The following SH3GL3 variants were observed in gnomAD, a reference collection of about 807,000 sequenced individuals.
SH3GL3 encodes SH3 domain containing GRB2 like 3, endophilin A3.
SH3GL3 carries 33 observed loss-of-function variants against 47.7 expected under a neutral mutation model. The observed-to-expected ratio is 0.69, with a 90% CI of 0.52 to 0.92. The LOEUF (loss-of-function observed/expected upper bound fraction) is 0.92. Ranked by LOEUF, SH3GL3 falls within the 40% of genes least tolerant of loss-of-function variation. The pLI, the probability that SH3GL3 is intolerant of heterozygous loss-of-function variation, is 0.00. For synonymous variants in SH3GL3, 155 were observed against 148.8 expected (o/e 1.04, Z -0.30); for missense variants, 363 against 417.8 (o/e 0.87, Z 1.14).
intron 8 of SH3GL3, among the ~76,000 whole-genome samples, chr15:83,610,136 C>G (rs1180827887): frequency 6.6e-6 from 1 of 152,190 alleles, no homozygotes; most frequent in African/African-American, 2.4e-5. Context: ...TCTTAGAGAG[C>G]CTTCAAAGGC....
chr15:83,611,021 A>AT (rs2060648298), intron 8 of SH3GL3, among the ~76,000 whole-genome samples: 2 of 150,590 alleles, frequency 1.3e-5, no homozygotes, highest in South Asian at 2.1e-4. Context: ...TGTGTGTATA[A>AT]ATGTATGTGT....
At chr15:83,597,407 C>T (rs1428285413) in intron 8 of SH3GL3, among the ~76,000 whole-genome samples, 2 of 152,106 alleles carry the variant, frequency 1.3e-5, no homozygotes, top group African/African-American at 2.4e-5. Flanking sequence ...CATTCCCTTT[C>T]GCTGTGTAAG....
the SH3GL3 span, among the ~76,000 whole-genome samples, chr15:83,629,761 A>G: frequency 6.6e-6 from 1 of 152,210 alleles, no homozygotes; most frequent in Non-Finnish European, 1.5e-5. Flanking sequence ...TTGAGGCTAC[A>G]GTGAGCTATA....
chr15:83,527,057 AT>A (rs1163774928), intron 1 of SH3GL3, among the ~76,000 whole-genome samples: 3 of 152,050 alleles, frequency 2.0e-5, no homozygotes, highest in Non-Finnish European at 4.4e-5. Flanking sequence ...TTGCAGGTTG[AT>A]TTTGTAGCCT....
At chr15:83,576,982 CT>C (rs915821540) in intron 6 of SH3GL3, among the ~76,000 whole-genome samples, 17 of 125,818 alleles carry the variant, frequency 1.4e-4, no homozygotes, top group African/African-American at 4.3e-4. Context: ...AGTGTCTCGG[CT>C]CACTACAACC....
chr15:83,498,758 T>C (rs2042177974), intron 1 of SH3GL3, among the ~76,000 whole-genome samples: 1 of 152,170 alleles, frequency 6.6e-6, no homozygotes, highest in Non-Finnish European at 1.5e-5. Context: ...CAGAGGGATC[T>C]TCCTAAAACA....
intron 1 of SH3GL3, among the ~76,000 whole-genome samples, chr15:83,558,898 T>TA (rs1490028885): frequency 1.3e-5 from 2 of 152,266 alleles, no homozygotes; most frequent in African/African-American, 4.8e-5. Flanking sequence ...TATTATTTTT[T>TA]AATGGTTCTT....
chr15:83,507,076 G>A (rs1050362291), intron 1 of SH3GL3, among the ~76,000 whole-genome samples: 5 of 151,608 alleles, frequency 3.3e-5, no homozygotes, highest in Admixed American at 6.6e-5. Context: ...CACGATCTCC[G>A]CTCACTGCAA....
chr15:83,466,072 T>A (rs1281880659), intron 1 of SH3GL3, among the ~76,000 whole-genome samples: 1 of 152,140 alleles, frequency 6.6e-6, no homozygotes, highest in Non-Finnish European at 1.5e-5. Flanking sequence ...GCAACTACTA[T>A]TTTTTTCTTC....
chr15:83,495,159 T>C (rs2042031512), intron 1 of SH3GL3, among the ~76,000 whole-genome samples: 1 of 152,134 alleles, frequency 6.6e-6, no homozygotes, highest in Non-Finnish European at 1.5e-5. Flanking sequence ...CTGTGGTATA[T>C]AATCCCACCC....
At chr15:83,626,716 A>G in the SH3GL3 span, among the ~76,000 whole-genome samples, 1 of 152,174 alleles carries the variant, frequency 6.6e-6, no homozygotes, top group African/African-American at 2.4e-5. Flanking sequence ...AGAGGCTCAC[A>G]GTGGGACTAG....
intron 6 of SH3GL3, among the ~76,000 whole-genome samples, chr15:83,581,478 G>GC (rs1195929044): frequency 6.6e-6 from 1 of 152,222 alleles, no homozygotes; most frequent in Non-Finnish European, 1.5e-5. Flanking sequence ...AGACCTTGGA[G>GC]CCCCTGCAGA....
intron 1 of SH3GL3, among the ~76,000 whole-genome samples, chr15:83,487,526 A>G (rs934364824): frequency 6.6e-6 from 1 of 152,122 alleles, no homozygotes; most frequent in African/African-American, 2.4e-5. Context: ...CCTGCAATAA[A>G]TCTATGTGCA....
chr15:83,600,157 A>G (rs1381579835), intron 8 of SH3GL3, among the ~76,000 whole-genome samples: 4 of 151,938 alleles, frequency 2.6e-5, no homozygotes, highest in Non-Finnish European at 5.9e-5. Flanking sequence ...GTACACTCTG[A>G]CTGTTCCTTT....
intron 1 of SH3GL3, among the ~76,000 whole-genome samples, chr15:83,500,331 G>T (rs991645256): frequency 6.6e-6 from 1 of 152,220 alleles, no homozygotes; most frequent in Non-Finnish European, 1.5e-5. Flanking sequence ...TATATTGATA[G>T]TAATAAGCTT....
chr15:83,608,636 T>G (rs1199907243), intron 8 of SH3GL3, among the ~76,000 whole-genome samples: 12 of 152,186 alleles, frequency 7.9e-5, no homozygotes, highest in Non-Finnish European at 1.2e-4. Flanking sequence ...GCACGGTGCC[T>G]GGCTCCATGC....
Position 83,483,182 on chromosome 15 carries a change from T to C in SH3GL3, c.45+35604T>C, listed in dbSNP as rs79372207. Reference sequence around the variant, plus strand: ...GTGTCTAGTTTCAGCAGGTGAGATATAGTCTGTTGTCAGCCCAGACAGGGT... The same window carrying C: ...GTGTCTAGTTTCAGCAGGTGAGATACAGTCTGTTGTCAGCCCAGACAGGGT... On this transcript the variant is annotated intron_variant, in intron 1 of 8. Transcript: ENST00000427482. 6.6e-5 allele frequency among the ~76,000 whole-genome samples: 10 copies of C among 152,332 alleles called. No individual in the cohort carries two copies. In the East Asian group the frequency reaches 1.7e-3, roughly 27 times the overall value.
At chr15:83,614,275 C>T in intron 8 of SH3GL3, among the ~76,000 whole-genome samples, 1 of 152,160 alleles carries the variant, frequency 6.6e-6, no homozygotes, top group East Asian at 1.9e-4. Context: ...TACAGCCTTC[C>T]ACCCCCTAGC....
At chr15:83,604,171 G>A (rs1415744322) in intron 8 of SH3GL3, among the ~76,000 whole-genome samples, 1 of 152,014 alleles carries the variant, frequency 6.6e-6, no homozygotes, top group Non-Finnish European at 1.5e-5. Context: ...AAGAAGCTAG[G>A]TATAAGCAAA....
Sources: allele counts gnomAD v4.1 joint callset (sites outside exome capture counted in the v4.1 genomes callset), GRCh38; gene constraint gnomAD v4.1.1; transcripts MANE v1.5; gene names NCBI Gene and HGNC (gene_info 2026-07-23, HGNC 2026-07-21).